The following PDE1C variants were observed in gnomAD, a reference collection of about 807,000 sequenced individuals.
The protein encoded by PDE1C is dual specificity calcium/calmodulin-dependent 3',5'-cyclic nucleotide phosphodiesterase 1C.
Under a neutral mutation model 93.1 loss-of-function variants are expected in PDE1C, and 62 were observed. The ratio of observed to expected loss-of-function variants is 0.67; its 90% CI spans 0.54 to 0.82. The LOEUF (loss-of-function observed/expected upper bound fraction) is 0.82. Ranked by LOEUF, PDE1C falls within the 40% of genes least tolerant of loss-of-function variation. PDE1C has a pLI of 0.00. For synonymous variants in PDE1C, 325 were observed against 310.1 expected (o/e 1.05, Z -0.50); for missense variants, 742 against 884.6 (o/e 0.84, Z 2.04).
chr7:32,348,292 G>C (rs1209141503), intron 1 of PDE1C, among the ~76,000 whole-genome samples: 2 of 148,910 alleles, frequency 1.3e-5, no homozygotes, highest in African/African-American at 5.0e-5. Flanking sequence ...ATAAATGTTA[G>C]CTTACTCTTT....
chr7:32,106,912 T>C (rs1255656810), intron 3 of PDE1C, among the ~76,000 whole-genome samples: 1 of 150,092 alleles, frequency 6.7e-6, no homozygotes, highest in Non-Finnish European at 1.5e-5. Flanking sequence ...AATATACTAA[T>C]GGCTCTAATG....
chr7:31,642,981 C>G, the PDE1C span: 965 of 1,614,054 alleles, frequency 6.0e-4, 2 homozygotes, highest in African/African-American at 0.01. Context: ...CAAGGAAAGA[C>G]AGCCATCTGT....
chr7:32,408,626 T>C (rs1223975039), intron 1 of PDE1C, among the ~76,000 whole-genome samples: 4 of 151,924 alleles, frequency 2.6e-5, no homozygotes, highest in Non-Finnish European at 5.9e-5. Flanking sequence ...CCATCTCTAC[T>C]AAAAATACAA....
rs530804504 is a variant in PDE1C at position 31,822,959 on chromosome 7, C to T, written c.1582+114G>A. 80 of 809,210 alleles carry T rather than the reference C, an allele frequency of 9.9e-5. 1 individual carries two copies. The African/African-American group carries it at 1.1e-3, about 11-fold the overall frequency. 50.1% of individuals were successfully genotyped at this position (809,210 alleles called of 1,614,324 possible). Reference sequence around the variant, plus strand: ...TCAAAAGATGGTAGATTCTAATATTCGGCAATTTGAATCTGCATCCTGAGC... The same window carrying T: ...TCAAAAGATGGTAGATTCTAATATTTGGCAATTTGAATCTGCATCCTGAGC... On this transcript the variant is annotated intron_variant, in intron 14 of 17. Transcript: ENST00000396191.
chr7:31,902,899 C>A (rs1164738954), intron 2 of PDE1C, among the ~76,000 whole-genome samples: 1 of 151,528 alleles, frequency 6.6e-6, no homozygotes, highest in African/African-American at 2.4e-5. Flanking sequence ...CTGATAGAGT[C>A]TACATAATAG....
At chr7:31,825,367 G>A (rs948458294) in intron 12 of PDE1C, among the ~76,000 whole-genome samples, 2 of 152,092 alleles carry the variant, frequency 1.3e-5, no homozygotes, top group African/African-American at 4.8e-5. Context: ...TGGGCGGTGG[G>A]AATGGAAAAA....
chr7:32,165,926 T>G lies in PDE1C; in HGVS notation c.308+3859A>C, dbSNP rs1041771849. Among the ~76,000 whole-genome samples the G allele has an allele frequency of 1.3e-5, 2 of 152,012 alleles. 1 individual carries two copies. Among genetic ancestry groups the G allele is most frequent in the South Asian group, 4.2e-4 (2 of 4,808 alleles). ...CCTTGGGCCCCACCTAGATCTGGGA[T>G]GAGCCCAACAATCTGTTTTAACAAT... On this transcript the variant is annotated intron_variant, in intron 3 of 18. Coordinates refer to the PDE1C transcript ENST00000396193.
At chr7:31,836,478 G>C (rs1791125383) in intron 11 of PDE1C, among the ~76,000 whole-genome samples, 2 of 152,066 alleles carry the variant, frequency 1.3e-5, no homozygotes, top group Non-Finnish European at 2.9e-5. Flanking sequence ...GGGATTACAG[G>C]CACCCACCAC....
chr7:32,063,308 C>A lies in PDE1C; in HGVS notation c.101+6985G>T, dbSNP rs145668710. On this transcript the variant is annotated intron_variant, in intron 1 of 17. Coordinates refer to ENST00000396191, the MANE Select transcript of PDE1C (RefSeq NM_001191057.4). ...TGCATTAACCTAATAACAATTATTT[C>A]TTTTAGTTGTTTCTCAAAAATCCAG... 1.9e-3 allele frequency among the ~76,000 whole-genome samples: 286 copies of A among 152,288 alleles called. 2 individuals are homozygous for A. Among genetic ancestry groups the A allele is most frequent in the African/African-American group, 6.4e-3 (268 of 41,574 alleles).
chr7:32,205,305 C>A (rs1207996609), intron 2 of PDE1C, among the ~76,000 whole-genome samples: 1 of 152,204 alleles, frequency 6.6e-6, no homozygotes, highest in African/African-American at 2.4e-5. Context: ...ATGTGATCAT[C>A]CACAACAACT....
chr7:31,952,623 T>C (rs954733499), intron 2 of PDE1C, among the ~76,000 whole-genome samples: 1 of 152,130 alleles, frequency 6.6e-6, no homozygotes, highest in African/African-American at 2.4e-5. Context: ...TAGTCCTGAA[T>C]TGTGCACACT....
At chr7:32,299,614 G>A (rs1218527705), upstream of PDE1C, among the ~76,000 whole-genome samples, 1 of 152,236 alleles carries the variant, frequency 6.6e-6, no homozygotes, top group Non-Finnish European at 1.5e-5. Context: ...TCTTATTACA[G>A]GGGAGGAAAC....
chr7:32,245,055 G>A (rs997251728), intron 1 of PDE1C, among the ~76,000 whole-genome samples: 2 of 152,154 alleles, frequency 1.3e-5, no homozygotes, highest in Non-Finnish European at 2.9e-5. Context: ...CTTCATAACC[G>A]GTGTGTGGTT....
At chr7:32,161,021 A>G (rs1222243619) in intron 3 of PDE1C, among the ~76,000 whole-genome samples, 1 of 152,164 alleles carries the variant, frequency 6.6e-6, no homozygotes, top group Admixed American at 6.5e-5. Context: ...AGATGGACTG[A>G]ATTTATACTT....
At chr7:31,653,893 A>G in the PDE1C span, among the ~76,000 whole-genome samples, 1 of 152,176 alleles carries the variant, frequency 6.6e-6, no homozygotes, top group Non-Finnish European at 1.5e-5. Context: ...AGAGGGAAGG[A>G]GGATCCAGGC....
chr7:32,385,363 C>T (rs546116742), intron 1 of PDE1C, among the ~76,000 whole-genome samples: 1 of 152,124 alleles, frequency 6.6e-6, no homozygotes, highest in Non-Finnish European at 1.5e-5. Flanking sequence ...CTCCATTATG[C>T]CAAAGAGGCT....
the PDE1C span, among the ~76,000 whole-genome samples, chr7:31,619,698 C>T: frequency 6.6e-6 from 1 of 152,110 alleles, no homozygotes; most frequent in Non-Finnish European, 1.5e-5. Context: ...CGGGTGATTT[C>T]TGCATTTCCA....
chr7:31,684,092 A>G, the PDE1C span, among the ~76,000 whole-genome samples: 2 of 152,140 alleles, frequency 1.3e-5, no homozygotes, highest in Non-Finnish European at 2.9e-5. Flanking sequence ...GATTTACATT[A>G]CCATCTGCCC....
intron 2 of PDE1C, among the ~76,000 whole-genome samples, chr7:31,929,442 T>C (rs1246608691): frequency 6.6e-6 from 1 of 152,172 alleles, no homozygotes; most frequent in African/African-American, 2.4e-5. Context: ...GCAGACCTAA[T>C]AGACATCTAC....
Sources: allele counts gnomAD v4.1 joint callset (sites outside exome capture counted in the v4.1 genomes callset), GRCh38; gene constraint gnomAD v4.1.1; transcripts MANE v1.5; gene names NCBI Gene and HGNC (gene_info 2026-07-23, HGNC 2026-07-21).